CDH3: variants seen among roughly 807,000 people sequenced by gnomAD.
The protein encoded by CDH3 is cadherin 3, also known as cadherin-3.
A neutral mutation model predicts 82.0 loss-of-function variants in CDH3; 54 were observed. The ratio of observed to expected loss-of-function variants is 0.66; its 90% CI spans 0.53 to 0.83. CDH3 has a LOEUF of 0.83. Among genes scored for constraint, CDH3 ranks in the 40% least tolerant of loss-of-function variants. The probability of loss-of-function intolerance (pLI) is 0.00; values close to 1 mark genes in which losing one functional copy is unlikely to be tolerated. For missense variants in CDH3, 1,054 were observed against 1,084.6 expected, an observed-to-expected ratio of 0.97 and a Z score of 0.40; for synonymous variants, 446 against 437.9, an observed-to-expected ratio of 1.02 and a Z score of -0.23.
chr16:68,685,289 T>G lies in CDH3; in HGVS notation c.1509T>G (p.Arg503=). 1 of 1,614,114 alleles carries G rather than the reference T, an allele frequency of 6.2e-7. No individual in the cohort carries two copies. The highest frequency in any genetic ancestry group is 8.5e-7 in the Non-Finnish European group (1 of 1,180,002). ...GQVTAVGTLD[R]EDEQFVRNNI... is the part of the protein sequence containing the mutation. Reference sequence around the variant, plus strand: ...TCACAGCTGTGGGCACCCTCGACCGTGAGGATGAGCAGTTTGTGAGGAACA... The same window carrying G: ...TCACAGCTGTGGGCACCCTCGACCGGGAGGATGAGCAGTTTGTGAGGAACA... The change falls in exon 11 of 16, where the codon CGT becomes CGG. Residue 503 remains arginine (R), a synonymous_variant. Transcript: ENST00000264012.
chr16:68,708,200 C>T (rs1328987030), intron 1 of CDH3, among the ~76,000 whole-genome samples: 1 of 151,838 alleles, frequency 6.6e-6, no homozygotes, highest in Non-Finnish European at 1.5e-5. Context: ...TGGTAGAGGG[C>T]GCCTGTAACC....
chr16:68,712,089 G>A (rs1200774092), intron 1 of CDH3, among the ~76,000 whole-genome samples: 2 of 141,200 alleles, frequency 1.4e-5, no homozygotes, highest in African/African-American at 2.6e-5. Context: ...CCAGGCTGAC[G>A]TGCAGTGGCA....
At chr16:68,698,087 C>T in intron 15 of CDH3, 104 bp from the exon 16 acceptor site, 2 of 1,032,088 alleles carry the variant, frequency 1.9e-6, no homozygotes, top group Non-Finnish European at 3.0e-6. Flanking sequence ...CCTCCAAAAC[C>T]TTTAGGGGAG....
At chr16:68,653,141 C>G (rs1482881315) in intron 2 of CDH3, among the ~76,000 whole-genome samples, 1 of 152,194 alleles carries the variant, frequency 6.6e-6, no homozygotes, top group Admixed American at 6.5e-5. Flanking sequence ...AACAGTCTCC[C>G]TGCCAGACCC....
intron 7 of CDH3, among the ~76,000 whole-genome samples, chr16:68,680,758 G>A (rs2152100982): frequency 6.6e-6 from 1 of 152,296 alleles, no homozygotes; most frequent in African/African-American, 2.4e-5. Context: ...AGGCCCAGGA[G>A]AACTATTTGG....
chr16:68,710,337 C>G (rs1962011334), intron 1 of CDH3, among the ~76,000 whole-genome samples: 1 of 152,220 alleles, frequency 6.6e-6, no homozygotes. Context: ...GGATGCCTCG[C>G]CATCCCAGCT....
At chr16:68,665,908 G>A (rs1396278403) in intron 2 of CDH3, among the ~76,000 whole-genome samples, 1 of 152,038 alleles carries the variant, frequency 6.6e-6, no homozygotes, top group Non-Finnish European at 1.5e-5. Context: ...TTTCTAGTCG[G>A]GGGAAAAACT....
Position 68,684,804 on chromosome 16 carries a change from C to T in CDH3, c.1404C>T (p.Asp468=), listed in dbSNP as rs2152102721. The change falls in exon 10 of 16, where the codon GAC becomes GAT. Residue 468 remains aspartate (D), a synonymous_variant. Coordinates refer to ENST00000264012, the MANE Select transcript of CDH3 (RefSeq NM_001793.6). ...PVCVYTAEDP[D]KENQKISYRI... ...GTGTCTACACTGCAGAAGACCCTGA[C>T]AAGGAGAATCAAAAGATCAGGTACT... 6.2e-7 allele frequency: 1 copy of T among 1,614,164 alleles called. No homozygotes were observed. Among genetic ancestry groups the T allele is most frequent in the East Asian group, 2.2e-5 (1 of 44,872 alleles).
intron 12 of CDH3, among the ~76,000 whole-genome samples, chr16:68,689,861 G>A (rs1961517524): frequency 6.6e-6 from 1 of 152,050 alleles, no homozygotes; most frequent in Non-Finnish European, 1.5e-5. Flanking sequence ...AGAAACGTGG[G>A]GGTTGTTTTT....
In CDH3 at chr16:68,691,827, G is replaced by A; in HGVS notation, c.1903G>A (p.Ala635Thr). The A allele has an allele frequency of 6.2e-7, 1 of 1,614,098 alleles. No homozygotes were observed. Among genetic ancestry groups the A allele is most frequent in the Non-Finnish European group, 8.5e-7 (1 of 1,179,996 alleles). Reference sequence around the variant, plus strand: ...CAAAGAGCAGCTGACGGTGATCAGGGCCACTGTGTGCGACTGCCATGGCCA... The same window carrying A: ...CAAAGAGCAGCTGACGGTGATCAGGACCACTGTGTGCGACTGCCATGGCCA... ...GNKEQLTVIR[A>T]TVCDCHGHVE... The change falls in exon 13 of 16, where the codon GCC becomes ACC. Residue 635 changes from alanine to threonine, a missense_variant. Coordinates refer to ENST00000264012, the MANE Select transcript of CDH3 (RefSeq NM_001793.6).
chr16:68,666,320 A>G (rs377736125), intron 2 of CDH3, among the ~76,000 whole-genome samples: 4 of 152,116 alleles, frequency 2.6e-5, no homozygotes, highest in African/African-American at 9.7e-5. Flanking sequence ...TTGCCCTCCA[A>G]GAGCTGCTCT....
At chr16:68,714,020 G>A (rs1462544890) in intron 1 of CDH3, among the ~76,000 whole-genome samples, 3 of 151,948 alleles carry the variant, frequency 2.0e-5, no homozygotes, top group East Asian at 1.9e-4. Context: ...TGCAACCTCC[G>A]CCCCCTGGGT....
chr16:68,672,097 C>T (rs899689936), intron 2 of CDH3, among the ~76,000 whole-genome samples: 3 of 151,046 alleles, frequency 2.0e-5, no homozygotes, highest in Non-Finnish European at 4.4e-5. Flanking sequence ...GAGGCTGAGG[C>T]AGGAGAATGG....
In CDH3 at chr16:68,698,296, ACCT is replaced by A. The variant is rs2152107997; in HGVS notation, c.2392_2394del (p.Ser798del). 1 of 1,614,154 alleles carries A rather than the reference ACCT, an allele frequency of 6.2e-7. No homozygotes were observed. Among genetic ancestry groups the A allele is most frequent in the Non-Finnish European group, 8.5e-7 (1 of 1,180,024 alleles). The stretch of plus-strand genomic sequence containing the variant: ...CGACGCCGCGTCCCTGAGCTCCCTC[ACCT>A]CCTCCGCCTCCGACCAAGACCAAGA... On this transcript the variant is annotated inframe_deletion, in exon 16 of 16. Transcript: ENST00000264012.
rs368059990 is a variant in CDH3, at chr16:68,651,775, G to A, written c.160+6025G>A. 1.0e-4 allele frequency: 52 copies of A among 497,182 alleles called. 1 individual carries two copies. The highest frequency in any genetic ancestry group is 3.7e-4 in the South Asian group (23 of 61,662). 30.8% of individuals were successfully genotyped at this position (497,182 alleles called of 1,614,324 possible). A position where few individuals can be genotyped will look rare whatever the true frequency, so the allele number is the denominator to read the frequency against. ...GGCTGCAGCTCGTTCATGAGTGTGT[G>A]TAAGATAATTCTGTCCTTCAGGCCC... On this transcript the variant is annotated intron_variant, in intron 2 of 15. Coordinates refer to ENST00000264012, the MANE Select transcript of CDH3 (RefSeq NM_001793.6).
At position 68,645,668 on chromosome 16, in the gene CDH3, G is replaced by C. The variant is rs992399939; in HGVS notation, c.78G>C (p.Pro26=). ...GGCTGCAGTGCGCGGCCTCCGAGCC[G>C]TGCCGGGCGGTCTTCAGGGAGGCTG... is the stretch of plus-strand genomic sequence containing the variant. ...VCWLQCAASE[P]CRAVFREAEV... The change falls in exon 2 of 16, where the codon CCG becomes CCC. Residue 26 remains proline, a synonymous_variant. Coordinates refer to ENST00000264012, the MANE Select transcript of CDH3 (RefSeq NM_001793.6). The C allele has an allele frequency of 1.1e-5, 17 of 1,544,470 alleles. No individual in the cohort carries two copies. In the South Asian group the frequency reaches 2.0e-4, roughly 18 times the overall value.
At chr16:68,654,711 A>AT (rs921226592) in intron 2 of CDH3, among the ~76,000 whole-genome samples, 450 of 132,294 alleles carry the variant, frequency 3.4e-3, no homozygotes, top group South Asian at 6.0e-3. Context: ...TCAAAAAAAA[A>AT]AAATATATAT....
chr16:68,646,136 C>A (rs1960054266), intron 2 of CDH3: 1 of 259,280 alleles, frequency 3.9e-6, no homozygotes, highest in African/African-American at 2.3e-5. Flanking sequence ...CCGGGCAGCC[C>A]CCTTCGCCCC....
chr16:68,731,481 CGTATATACACATAT>C (rs1276286539), downstream of CDH3, among the ~76,000 whole-genome samples: 10 of 37,472 alleles, frequency 2.7e-4, 1 homozygote, highest in Non-Finnish European at 1.1e-4. Flanking sequence ...TACACACACA[CGTATATACACATAT>C]ATATATACAC....
Sources: allele counts gnomAD v4.1 joint callset (sites outside exome capture counted in the v4.1 genomes callset), GRCh38; gene constraint gnomAD v4.1.1; transcripts MANE v1.5; gene names NCBI Gene and HGNC (gene_info 2026-07-23, HGNC 2026-07-21).